CNKSR3: variants seen among roughly 807,000 people sequenced by gnomAD.
CNKSR3 encodes the protein connector enhancer of kinase suppressor of ras 3.
A neutral mutation model predicts 67.7 loss-of-function variants in CNKSR3; 36 were observed. The ratio of observed to expected loss-of-function variants is 0.53; its 90% CI spans 0.41 to 0.70. The LOEUF is 0.70. CNKSR3 is among the 30% of genes least tolerant of loss of function. CNKSR3 has a pLI of 0.00. For missense variants in CNKSR3, 630 were observed against 695.2 expected, an observed-to-expected ratio of 0.91 and a Z score of 1.05; for synonymous variants, 281 against 271.4, an observed-to-expected ratio of 1.04 and a Z score of -0.35.
Position 154,417,012 on chromosome 6 carries a change from G to A in CNKSR3, c.946-2589C>T, listed in dbSNP as rs144060004. 2.2e-3 allele frequency among the ~76,000 whole-genome samples: 328 copies of A among 152,266 alleles called. 1 individual carries two copies. The highest frequency in any genetic ancestry group is 3.1e-3 in the Non-Finnish European group (211 of 68,032). ...AATTTCCAGAAGTCAAGGGACCAAC[G>A]CTAGCCTGAACTTAAAAATTATTTT... On this transcript the variant is annotated intron_variant, in intron 9 of 12. Transcript: ENST00000607772.
intron 10 of CNKSR3, among the ~76,000 whole-genome samples, chr6:154,411,374 C>T (rs1784907838): frequency 6.6e-6 from 1 of 152,116 alleles, no homozygotes; most frequent in East Asian, 1.9e-4. Context: ...AGGCCGGACA[C>T]AGCGGCTCCC....
rs1265382789 is a variant in CNKSR3 at position 154,402,035 on chromosome 6, G to A, written c.*4319C>T. On this transcript the variant is annotated 3_prime_UTR_variant, in exon 13 of 13. Transcript: ENST00000607772. ...TTTCAGGTTTGGTGGGGAAAGAACT[G>A]AGAGAGAAGCAGAGATAGGAAATGG... 1 of 152,188 alleles carries A rather than the reference G, an allele frequency of 6.6e-6. No homozygotes were observed. Among genetic ancestry groups the A allele is most frequent in the African/African-American group, 2.4e-5 (1 of 41,440 alleles). The allele number at this position is 152,188 out of a possible 1,614,324, so 9.4% of individuals were successfully genotyped here.
rs1784734486 is a variant in CNKSR3 at position 154,403,113 on chromosome 6, G to A, written c.*3241C>T. The A allele has an allele frequency of 6.6e-6, 1 of 152,130 alleles. No individual in the cohort carries two copies. Among genetic ancestry groups the A allele is most frequent in the African/African-American group, 2.4e-5 (1 of 41,416 alleles). 9.4% of individuals were successfully genotyped at this position (152,130 alleles called of 1,614,324 possible). A position where few individuals can be genotyped will look rare whatever the true frequency, so the allele number is the denominator to read the frequency against. On this transcript the variant is annotated 3_prime_UTR_variant, in exon 13 of 13. Transcript: ENST00000607772. ...GATTTTCATTTGAAGATTGAAAAGT[G>A]ATGCTATAAAATATTATAATAGGGG... is the stretch of plus-strand genomic sequence containing the variant.
At chr6:154,500,790 T>C (rs1786980523) in intron 1 of CNKSR3, among the ~76,000 whole-genome samples, 1 of 152,242 alleles carries the variant, frequency 6.6e-6, no homozygotes, top group African/African-American at 2.4e-5. Context: ...TTCTAATTTC[T>C]ACATCTTATT....
At chr6:154,424,273 G>A (rs1426670840) in intron 7 of CNKSR3, among the ~76,000 whole-genome samples, 2 of 151,812 alleles carry the variant, frequency 1.3e-5, no homozygotes, top group Non-Finnish European at 2.9e-5. Flanking sequence ...AATATAAAGG[G>A]ATATAATCCA....
rs560675595 is a variant in CNKSR3 at position 154,444,885 on chromosome 6, A to T, written c.217-2595T>A. 5.9e-5 allele frequency among the ~76,000 whole-genome samples: 9 copies of T among 152,178 alleles called. No individual in the cohort carries two copies. In the East Asian group the frequency reaches 1.5e-3, roughly 26 times the overall value. Reference sequence around the variant, plus strand: ...CTCCCAAAGTGCTGGGATTACAGGCATGAACCACTGCACCCGGCTGTGGAG... The same window carrying T: ...CTCCCAAAGTGCTGGGATTACAGGCTTGAACCACTGCACCCGGCTGTGGAG... On this transcript the variant is annotated intron_variant, in intron 2 of 12. Transcript: ENST00000607772.
chr6:154,449,581 T>C (rs1307329599), intron 2 of CNKSR3, among the ~76,000 whole-genome samples: 1 of 152,220 alleles, frequency 6.6e-6, no homozygotes, highest in African/African-American at 2.4e-5. Flanking sequence ...CGCCTCGGCC[T>C]CCCAGAGTGC....
intron 4 of CNKSR3, 55 bp downstream of exon 4, chr6:154,441,237 A>T: frequency 8.0e-7 from 1 of 1,251,910 alleles, no homozygotes; most frequent in Non-Finnish European, 1.1e-6. Context: ...CAAGAAGAGG[A>T]AAAGCAAAAA....
In CNKSR3 at chr6:154,393,976, T is replaced by C. The variant is rs1383697909; in HGVS notation, c.*12378A>G. ...CAGAGACCACTCATCCTGACCAATA[T>C]CACTCTCCCAACCTTCCTTGAAGTT... On this transcript the variant is annotated 3_prime_UTR_variant, in exon 13 of 13. Transcript: ENST00000607772. 6.6e-6 allele frequency: 1 copy of C among 152,202 alleles called. No individual in the cohort carries two copies. The highest frequency in any genetic ancestry group is 1.5e-5 in the Non-Finnish European group (1 of 68,050). 9.4% of individuals were successfully genotyped at this position (152,202 alleles called of 1,614,324 possible). A position where few individuals can be genotyped will look rare whatever the true frequency, so the allele number is the denominator to read the frequency against.
At chr6:154,510,012 C>T (rs1787182231) in intron 1 of CNKSR3, 51 bp downstream of exon 1, 1 of 1,599,000 alleles carries the variant, frequency 6.3e-7, no homozygotes, top group Non-Finnish European at 8.6e-7. Flanking sequence ...GCTCCTCGTC[C>T]GCCCCATCCC....
At chr6:154,491,249 G>A (rs571066286) in intron 1 of CNKSR3, among the ~76,000 whole-genome samples, 1 of 152,278 alleles carries the variant, frequency 6.6e-6, no homozygotes, top group African/African-American at 2.4e-5. Flanking sequence ...ATGATGCCCT[G>A]TAGTCTAAAT....
intron 12 of CNKSR3, among the ~76,000 whole-genome samples, chr6:154,407,884 A>C (rs1467078215): frequency 1.3e-5 from 2 of 151,042 alleles, no homozygotes; most frequent in African/African-American, 4.8e-5. Flanking sequence ...AAAAAAAAAA[A>C]AAAAAAAAAA....
intron 1 of CNKSR3, among the ~76,000 whole-genome samples, chr6:154,506,031 G>A (rs1787095681): frequency 6.6e-6 from 1 of 152,192 alleles, no homozygotes; most frequent in Non-Finnish European, 1.5e-5. Context: ...ACCTAAGAAG[G>A]TTGGACAGGA....
Position 154,395,072 on chromosome 6 carries a change from A to G in CNKSR3, c.*11282T>C, listed in dbSNP as rs1457531791. 1 of 152,276 alleles carries G rather than the reference A, an allele frequency of 6.6e-6. No individual in the cohort carries two copies. Among genetic ancestry groups the G allele is most frequent in the East Asian group, 1.9e-4 (1 of 5,196 alleles). 9.4% of individuals were successfully genotyped at this position (152,276 alleles called of 1,614,324 possible). A position where few individuals can be genotyped will look rare whatever the true frequency, so the allele number is the denominator to read the frequency against. ...CAGGGAGTACAGGTGGAAAAGGTCA[A>G]GTGGAACGGAGGTGCCCAGGGCAGG... On this transcript the variant is annotated 3_prime_UTR_variant, in exon 13 of 13. Transcript: ENST00000607772.
intron 7 of CNKSR3, among the ~76,000 whole-genome samples, chr6:154,424,586 G>T (rs1186498701): frequency 1.3e-5 from 2 of 152,164 alleles, no homozygotes; most frequent in African/African-American, 4.8e-5. Flanking sequence ...CAGGCTCAAC[G>T]GGAAATTAAC....
At chr6:154,414,958 C>T (rs183423980) in intron 9 of CNKSR3, among the ~76,000 whole-genome samples, 57 of 151,552 alleles carry the variant, frequency 3.8e-4, no homozygotes, top group East Asian at 4.0e-4. Flanking sequence ...ATTAGCCAGG[C>T]GTGGTGGCAC....
At chr6:154,438,221 A>T (rs1251174228) in intron 4 of CNKSR3, among the ~76,000 whole-genome samples, 5 of 152,112 alleles carry the variant, frequency 3.3e-5, no homozygotes, top group Non-Finnish European at 7.4e-5. Context: ...ATTTTTATAA[A>T]TAAAATTTTT....
In CNKSR3 at chr6:154,406,628, A is replaced by C; in HGVS notation, c.1394T>G (p.Phe465Cys). 1 of 1,613,126 alleles carries C rather than the reference A, an allele frequency of 6.2e-7. No homozygotes were observed. Among genetic ancestry groups the C allele is most frequent in the South Asian group, 1.1e-5 (1 of 91,046 alleles). Residue 465 changes from phenylalanine (F) to cysteine (C), a missense_variant, in exon 13 of 13, where the codon TTC becomes TGC. Around this residue, in one of 3 missense-constraint regions of CNKSR3, gnomAD observed 308 missense variants for 299.6 expected, o/e 1.03. Coordinates refer to ENST00000607772, the MANE Select transcript of CNKSR3 (RefSeq NM_173515.4). ...RKGEDALCRY[F>C]SNERIPPIIE... The stretch of plus-strand genomic sequence containing the variant: ...GATCGGAGGAATCCGCTCGTTACTG[A>C]AATACCGGCAAAGGGCATCCTCCCC...
intron 5 of CNKSR3, among the ~76,000 whole-genome samples, chr6:154,430,986 A>G (rs899120382): frequency 2.6e-5 from 4 of 151,762 alleles, no homozygotes; most frequent in African/African-American, 4.8e-5. Context: ...AGACTAAGCC[A>G]TTTTTTCAAT....
Sources: gnomAD v4.1 joint callset for allele counts (sites outside exome capture counted in the v4.1 genomes callset) on GRCh38, gnomAD v4.1.1 for gene constraint, gnomAD v4.1.1 regional missense constraint, MANE v1.5 for transcripts, NCBI Gene and HGNC (gene_info 2026-07-23, HGNC 2026-07-21) for gene names.